The following SMARCAD1 variants were observed in gnomAD, a reference collection of about 807,000 sequenced individuals.
The protein encoded by SMARCAD1 is SWI/SNF-related matrix-associated actin-dependent regulator of chromatin subfamily A containing DEAD/H box 1.
In SMARCAD1, 25 loss-of-function variants were observed where a neutral mutation model predicts 127.1. The ratio of observed to expected loss-of-function variants is 0.20; its 90% CI spans 0.14 to 0.27. The LOEUF (loss-of-function observed/expected upper bound fraction) is 0.27, where lower values mean the gene tolerates loss of function less well. Ranked by LOEUF, SMARCAD1 falls within the 10% of genes least tolerant of loss-of-function variation. SMARCAD1 has a pLI of 1.00. For missense variants in SMARCAD1, 807 were observed against 1,206.0 expected, an observed-to-expected ratio of 0.67 and a Z score of 4.90; for synonymous variants, 400 against 396.9, an observed-to-expected ratio of 1.01 and a Z score of -0.09.
intron 2 of SMARCAD1, among the ~76,000 whole-genome samples, chr4:94,219,556 GTCT>G (rs1455398371): frequency 6.6e-6 from 1 of 152,000 alleles, no homozygotes. Flanking sequence ...ATATAAGATT[GTCT>G]TCTTTTATGC....
At chr4:94,222,968 A>G (rs564206057) in intron 2 of SMARCAD1, among the ~76,000 whole-genome samples, 1 of 151,614 alleles carries the variant, frequency 6.6e-6, no homozygotes, top group South Asian at 2.1e-4. Context: ...TGTCTCAAAA[A>G]AAATAAATAA....
At chr4:94,223,050 G>A (rs1290320623) in intron 2 of SMARCAD1, among the ~76,000 whole-genome samples, 1 of 152,050 alleles carries the variant, frequency 6.6e-6, no homozygotes, top group East Asian at 1.9e-4. Flanking sequence ...CAAAGAAAAG[G>A]TCAATAAAGA....
At chr4:94,261,044 G>C (rs1165117175) in intron 9 of SMARCAD1, among the ~76,000 whole-genome samples, 1 of 151,712 alleles carries the variant, frequency 6.6e-6, no homozygotes, top group Non-Finnish European at 1.5e-5. Context: ...ATATGATAAT[G>C]ACAGATTAGA....
Position 94,278,600 on chromosome 4 carries a change from G to A in SMARCAD1, c.2179-16G>A, listed in dbSNP as rs1560565652. The A allele has an allele frequency of 1.9e-6, 3 of 1,613,458 alleles. No individual in the cohort carries two copies. Among genetic ancestry groups the A allele is most frequent in the Non-Finnish European group, 8.5e-7 (1 of 1,179,562 alleles). ...TTTACTAGAATGATTATCTTAAACT[G>A]TTTTTTCTGTCTCAGGTTCTCAAGC... On this transcript the variant is annotated splice_polypyrimidine_tract_variant and intron_variant, in intron 17 of 23. Transcript: ENST00000354268.
intron 11 of SMARCAD1, among the ~76,000 whole-genome samples, chr4:94,272,442 T>C (rs925246101): frequency 1.3e-5 from 2 of 152,218 alleles, no homozygotes; most frequent in African/African-American, 2.4e-5. Context: ...TTAGTGACTT[T>C]TTACATATAT....
intron 9 of SMARCAD1, among the ~76,000 whole-genome samples, chr4:94,256,490 G>A (rs3113873): frequency 6.6e-6 from 1 of 152,122 alleles, no homozygotes; most frequent in Non-Finnish European, 1.5e-5. Context: ...AGCCTCCCTA[G>A]TAGCTGGGAT....
chr4:94,218,193 A>G lies in SMARCAD1; in HGVS notation c.191-7926A>G, dbSNP rs1743505805. Among the ~76,000 whole-genome samples the G allele has an allele frequency of 2.6e-5, 4 of 152,164 alleles. No homozygotes were observed. In the South Asian group the frequency reaches 8.3e-4, roughly 32 times the overall value. ...ATTGTAGGTATAAAGTCTATTATTT[A>G]GAAGTCCCTCCTTTAGGTTTAACGC... On this transcript the variant is annotated intron_variant, in intron 2 of 23. Coordinates refer to ENST00000354268, the MANE Select transcript of SMARCAD1 (RefSeq NM_020159.5).
At chr4:94,251,468 G>T (rs1022461000) in intron 8 of SMARCAD1, among the ~76,000 whole-genome samples, 7 of 152,050 alleles carry the variant, frequency 4.6e-5, no homozygotes, top group African/African-American at 1.2e-4. Context: ...GTTTTAAAAG[G>T]CTATACTACC....
intron 1 of SMARCAD1, 68 bp from the exon 2 acceptor site, chr4:94,208,278 A>G (rs1190420370): frequency 9.0e-7 from 1 of 1,106,316 alleles, no homozygotes; most frequent in Admixed American, 1.7e-5. Flanking sequence ...TTGGGAATAA[A>G]CTGCTGTGGC....
intron 9 of SMARCAD1, 39 bp downstream of exon 9, chr4:94,253,046 T>C (rs1305770398): frequency 1.2e-6 from 2 of 1,604,358 alleles, no homozygotes; most frequent in Admixed American, 3.3e-5. Flanking sequence ...TATGTGTGTG[T>C]GTATTTAATT....
intron 20 of SMARCAD1, among the ~76,000 whole-genome samples, chr4:94,281,052 A>G (rs1753944900): frequency 6.6e-6 from 1 of 152,318 alleles, no homozygotes; most frequent in Non-Finnish European, 1.5e-5. Context: ...GACAATCTGT[A>G]TGTGTGCTTC....
chr4:94,222,208 C>T (rs146026094), intron 2 of SMARCAD1, among the ~76,000 whole-genome samples: 288 of 152,284 alleles, frequency 1.9e-3, no homozygotes, highest in Non-Finnish European at 3.3e-3. Flanking sequence ...CAACTCATAT[C>T]AATGGTTTGG....
At position 94,290,652 on chromosome 4, in the gene SMARCAD1, G is replaced by T. The variant is rs946196068; in HGVS notation, c.*1118G>T. On this transcript the variant is annotated 3_prime_UTR_variant, in exon 24 of 24. Coordinates refer to ENST00000354268, the MANE Select transcript of SMARCAD1 (RefSeq NM_020159.5). ...TGACAAAGTGAAATTTAGAAGTGAA[G>T]TTGTCTATTTGATATTTAACTCTTT... The T allele has an allele frequency of 1.1e-5, 5 of 453,796 alleles. No homozygotes were observed. The highest frequency in any genetic ancestry group is 7.1e-5 in the Admixed American group (3 of 42,502). The allele number at this position is 453,796 out of a possible 1,614,324, so 28.1% of individuals were successfully genotyped here. A position where few individuals can be genotyped will look rare whatever the true frequency, so the allele number is the denominator to read the frequency against.
In SMARCAD1 at chr4:94,252,716, G is replaced by A; in HGVS notation, c.990G>A (p.Gln330=). ...PKNATKTKLK[Q]KFSMKAQNGF... is the part of the protein sequence containing the mutation. ...ATGCAACTAAAACAAAACTAAAACA[G>A]AAATTTTCAATGAAAGCACAAAATG... is the stretch of plus-strand genomic sequence containing the variant. The change falls in exon 9 of 24, where the codon CAG becomes CAA. Residue 330 remains glutamine (Q), a synonymous_variant. Transcript: ENST00000354268. 3 of 1,594,802 alleles carry A rather than the reference G, an allele frequency of 1.9e-6. No individual in the cohort carries two copies. The highest frequency in any genetic ancestry group is 2.6e-6 in the Non-Finnish European group (3 of 1,171,972).
At chr4:94,218,570 G>A (rs775287392) in intron 2 of SMARCAD1, among the ~76,000 whole-genome samples, 4 of 151,970 alleles carry the variant, frequency 2.6e-5, no homozygotes, top group Admixed American at 6.6e-5. Flanking sequence ...TGGGATTACC[G>A]CACCCAGACT....
At position 94,274,960 on chromosome 4, in the gene SMARCAD1, G is replaced by C. The variant is rs757373165; in HGVS notation, c.1803G>C (p.Val601=). ...GATATGAAGATTACAATGTAATTGT[G>C]ACCACGTAAGTATTGAGAAATTTGG... The part of the protein sequence containing the change: ...HSRYEDYNVI[V]TTYNCAISSS... Residue 601 remains valine (V), a synonymous_variant, in exon 14 of 24, where the codon GTG becomes GTC. Transcript: ENST00000354268. 6 of 1,594,080 alleles carry C rather than the reference G, an allele frequency of 3.8e-6. No homozygotes were observed. The highest frequency in any genetic ancestry group is 1.3e-5 in the African/African-American group (1 of 74,478).
intron 2 of SMARCAD1, among the ~76,000 whole-genome samples, chr4:94,218,649 A>G (rs1309627185): frequency 1.3e-5 from 2 of 152,110 alleles, no homozygotes; most frequent in Non-Finnish European, 2.9e-5. Flanking sequence ...TTGTCTTAGA[A>G]TGATGTATTA....
At chr4:94,241,822 T>C (rs1247735779) in intron 6 of SMARCAD1, among the ~76,000 whole-genome samples, 1 of 152,102 alleles carries the variant, frequency 6.6e-6, no homozygotes, top group Non-Finnish European at 1.5e-5. Flanking sequence ...TTGACTTGCA[T>C]GCACAGACTC....
At chr4:94,269,979 ACT>A (rs1218656860) in intron 10 of SMARCAD1, among the ~76,000 whole-genome samples, 2 of 151,432 alleles carry the variant, frequency 1.3e-5, no homozygotes, top group African/African-American at 4.9e-5. Context: ...ATTCCTTATA[ACT>A]CTGCCATATT....
Sources: allele counts gnomAD v4.1 joint callset (sites outside exome capture counted in the v4.1 genomes callset), GRCh38; gene constraint gnomAD v4.1.1; transcripts MANE v1.5; gene names NCBI Gene and HGNC (gene_info 2026-07-23, HGNC 2026-07-21).